Variants in DLG1 observed in about 807,000 individuals in gnomAD.
DLG1 encodes the protein discs large MAGUK scaffold protein 1.
In DLG1, 42 loss-of-function variants were observed where a neutral mutation model predicts 123.4. That is an observed-to-expected ratio of 0.34 (90% CI 0.27 to 0.44). The LOEUF (loss-of-function observed/expected upper bound fraction) is 0.44, where lower values mean the gene tolerates loss of function less well. DLG1 is among the 20% of genes least tolerant of loss of function. The pLI, the probability that DLG1 is intolerant of heterozygous loss-of-function variation, is 1.00. For missense variants in DLG1, 942 were observed against 1,082.6 expected (o/e 0.87, Z 1.82); for synonymous variants, 317 against 356.2 (o/e 0.89, Z 1.24).
intron 5 of DLG1, among the ~76,000 whole-genome samples, chr3:197,164,613 A>C (rs1800379408): frequency 6.6e-6 from 1 of 151,934 alleles, no homozygotes; most frequent in Non-Finnish European, 1.5e-5. Flanking sequence ...AAACTCTATG[A>C]GATTGAGGCT....
chr3:197,178,433 A>G (rs1286566342), intron 5 of DLG1, among the ~76,000 whole-genome samples: 1 of 152,204 alleles, frequency 6.6e-6, no homozygotes, highest in African/African-American at 2.4e-5. Flanking sequence ...CAATAAAACT[A>G]GAAATTCTCT....
chr3:197,211,861 C>T (rs1731407006), intron 4 of DLG1, among the ~76,000 whole-genome samples: 1 of 146,320 alleles, frequency 6.8e-6, no homozygotes, highest in Non-Finnish European at 1.5e-5. Context: ...CAATGACAGA[C>T]TGGCTAAAAA....
intron 5 of DLG1, among the ~76,000 whole-genome samples, chr3:197,188,912 C>T (rs756369034): frequency 1.7e-4 from 26 of 152,122 alleles, no homozygotes; most frequent in Admixed American, 5.2e-4. Context: ...TTAAAGGAAC[C>T]CTACCTACTC....
At chr3:197,212,858 C>T (rs1475461183) in intron 4 of DLG1, among the ~76,000 whole-genome samples, 1 of 152,142 alleles carries the variant, frequency 6.6e-6, no homozygotes, top group African/African-American at 2.4e-5. Flanking sequence ...TGAAATGATA[C>T]TCAACATCAC....
intron 4 of DLG1, among the ~76,000 whole-genome samples, chr3:197,248,048 G>A (rs906091392): frequency 2.0e-5 from 3 of 152,026 alleles, no homozygotes; most frequent in Non-Finnish European, 2.9e-5. Context: ...AGGTGACCAC[G>A]GAACCGCAGA....
At chr3:197,244,149 T>C (rs931576107) in intron 4 of DLG1, among the ~76,000 whole-genome samples, 4 of 152,162 alleles carry the variant, frequency 2.6e-5, no homozygotes, top group South Asian at 2.1e-4. Context: ...TTTCCCCGTG[T>C]TGTGAGAGAC....
At chr3:197,157,456 T>G (rs557242610) in intron 5 of DLG1, among the ~76,000 whole-genome samples, 1 of 152,152 alleles carries the variant, frequency 6.6e-6, no homozygotes, top group African/African-American at 2.4e-5. Context: ...TTCAGAACAC[T>G]GAGCCTCCTA....
chr3:197,216,231 C>T (rs989363780), intron 4 of DLG1, among the ~76,000 whole-genome samples: 1 of 152,170 alleles, frequency 6.6e-6, no homozygotes, highest in Admixed American at 6.5e-5. Flanking sequence ...CCTTCAGACA[C>T]CAACTTGGTA....
At chr3:197,110,477 G>A (rs921173140) in intron 13 of DLG1, among the ~76,000 whole-genome samples, 1 of 152,018 alleles carries the variant, frequency 6.6e-6, no homozygotes, top group Non-Finnish European at 1.5e-5. Context: ...TAATGTCTTT[G>A]TTTAGCATGT....
intron 11 of DLG1, among the ~76,000 whole-genome samples, chr3:197,128,279 T>C (rs1463505414): frequency 6.6e-6 from 1 of 152,244 alleles, no homozygotes; most frequent in Non-Finnish European, 1.5e-5. Flanking sequence ...CATCTTCACC[T>C]ACCAGGATTA....
At chr3:197,080,945 C>T in intron 17 of DLG1, 106 bp downstream of exon 17, 1 of 1,006,990 alleles carries the variant, frequency 9.9e-7, no homozygotes, top group South Asian at 1.7e-5. Context: ...TTGTAAAGCA[C>T]CATGGCAAGA....
intron 3 of DLG1, among the ~76,000 whole-genome samples, chr3:197,292,035 C>T (rs1304546642): frequency 6.6e-6 from 1 of 152,086 alleles, no homozygotes; most frequent in Non-Finnish European, 1.5e-5. Context: ...TAAAATGCTG[C>T]AATCACTATG....
chr3:197,104,149 T>G (rs1390775529), intron 14 of DLG1, among the ~76,000 whole-genome samples: 1 of 152,196 alleles, frequency 6.6e-6, no homozygotes, highest in East Asian at 1.9e-4. Flanking sequence ...ATCTTGATAT[T>G]AATAATTATA....
rs918352569 is a variant in DLG1 at position 197,044,092 on chromosome 3, A to G, written c.*531T>C. 3 of 152,222 alleles carry G rather than the reference A, an allele frequency of 2.0e-5. No individual in the cohort carries two copies. The highest frequency in any genetic ancestry group is 7.2e-5 in the African/African-American group (3 of 41,472). The allele number at this position is 152,222 out of a possible 1,614,324, so 9.4% of individuals were successfully genotyped here. A position where few individuals can be genotyped will look rare whatever the true frequency, so the allele number is the denominator to read the frequency against. The stretch of plus-strand genomic sequence containing the variant: ...CTTATGAAAGTCAACTCAGACATGA[A>G]TTTTTAAATTAAAAAATGTCCTTAT... On this transcript the variant is annotated 3_prime_UTR_variant, in exon 25 of 25. Transcript: ENST00000667157.
At chr3:197,076,536 A>C in intron 18 of DLG1, 50 bp downstream of exon 18, 21 of 1,363,632 alleles carry the variant, frequency 1.5e-5, no homozygotes, top group Non-Finnish European at 2.0e-5. Context: ...GCAGGGCAGT[A>C]GGTCCCTCTC....
intron 5 of DLG1, among the ~76,000 whole-genome samples, chr3:197,172,901 T>C (rs1045562549): frequency 3.9e-5 from 6 of 152,218 alleles, no homozygotes; most frequent in Admixed American, 2.0e-4. Flanking sequence ...TCATCGCTTT[T>C]CTATTCAAAC....
intron 5 of DLG1, among the ~76,000 whole-genome samples, chr3:197,186,135 G>C (rs914546645): frequency 4.6e-5 from 7 of 152,038 alleles, no homozygotes; most frequent in African/African-American, 1.4e-4. Context: ...CAAAAATCTA[G>C]GAACACCTCA....
chr3:197,045,253 TAAC>T (rs1265472676), intron 24 of DLG1, among the ~76,000 whole-genome samples: 21 of 152,092 alleles, frequency 1.4e-4, no homozygotes, highest in Admixed American at 1.4e-3. Flanking sequence ...GTTAGAGACT[TAAC>T]AATCAATGTT....
At chr3:197,163,248 A>C (rs1006172738) in intron 5 of DLG1, among the ~76,000 whole-genome samples, 48 of 152,224 alleles carry the variant, frequency 3.2e-4, no homozygotes, top group African/African-American at 1.2e-3. Context: ...ACTCTGGTAC[A>C]ATGCTGGTGG....
Sources: allele counts gnomAD v4.1 joint callset (sites outside exome capture counted in the v4.1 genomes callset), GRCh38; gene constraint gnomAD v4.1.1; transcripts MANE v1.5; gene names NCBI Gene and HGNC (gene_info 2026-07-23, HGNC 2026-07-21).